The following CADM1 variants were observed in gnomAD, a reference collection of about 807,000 sequenced individuals.
CADM1 encodes cell adhesion molecule 1, also known as TSLC-1.
Under a neutral mutation model 53.1 loss-of-function variants are expected in CADM1, and 15 were observed. The observed-to-expected ratio is 0.28, with a 90% confidence interval of 0.19 to 0.44. CADM1 has a LOEUF of 0.44. CADM1 is among the 20% of genes least tolerant of loss of function. The pLI is 1.00. For synonymous variants in CADM1, 281 were observed against 243.0 expected (o/e 1.16, Z -1.45); for missense variants, 434 against 611.3 (o/e 0.71, Z 3.06).
chr11:115,423,278 T>C (rs1947806039), intron 1 of CADM1, among the ~76,000 whole-genome samples: 1 of 152,192 alleles, frequency 6.6e-6, no homozygotes, highest in Non-Finnish European at 1.5e-5. Flanking sequence ...AGTAATTTTG[T>C]TATTTGAGTT....
intron 1 of CADM1, among the ~76,000 whole-genome samples, chr11:115,322,392 A>G (rs1191281803): frequency 6.6e-6 from 1 of 152,244 alleles, no homozygotes; most frequent in African/African-American, 2.4e-5. Flanking sequence ...TGTCAAGTAT[A>G]TATAACACTT....
intron 10 of CADM1, among the ~76,000 whole-genome samples, chr11:115,185,321 A>G (rs1057023278): frequency 1.3e-5 from 2 of 152,214 alleles, no homozygotes; most frequent in Non-Finnish European, 2.9e-5. Flanking sequence ...AAGATGCCCA[A>G]TAAACACTTA....
chr11:115,298,377 A>G (rs1944133740), intron 1 of CADM1, among the ~76,000 whole-genome samples: 1 of 152,204 alleles, frequency 6.6e-6, no homozygotes. Flanking sequence ...AATGAGGAGA[A>G]GAAGAAAGGG....
In CADM1 at chr11:115,174,974, T is replaced by A. The variant is rs887523125; in HGVS notation, c.*1500A>T. 9 of 985,718 alleles carry A rather than the reference T, an allele frequency of 9.1e-6. No homozygotes were observed. Among genetic ancestry groups the A allele is most frequent in the Non-Finnish European group, 9.6e-6 (8 of 829,938 alleles). The allele number at this position is 985,718 out of a possible 1,614,324, so 61.1% of individuals were successfully genotyped here. A position where few individuals can be genotyped will look rare whatever the true frequency, so the allele number is the denominator to read the frequency against. On this transcript the variant is annotated 3_prime_UTR_variant, in exon 12 of 12. Transcript: ENST00000331581. ...TTCCCGAGGCTCCCCATCTAAGATA[T>A]GTTCAAGGTCACTGATTTTAGTAGC...
At chr11:115,407,870 AT>A (rs1446573821) in intron 1 of CADM1, among the ~76,000 whole-genome samples, 2 of 81,986 alleles carry the variant, frequency 2.4e-5, no homozygotes, top group East Asian at 4.1e-4. Context: ...AGACCCTGTC[AT>A]TTAAAAAAAA....
intron 1 of CADM1, among the ~76,000 whole-genome samples, chr11:115,466,422 C>T (rs1948899636): frequency 6.6e-6 from 1 of 152,190 alleles, no homozygotes; most frequent in African/African-American, 2.4e-5. Context: ...TTACTACAAA[C>T]TGCCCTGTAA....
chr11:115,256,953 G>T, intron 1 of CADM1: 1 of 455,092 alleles, frequency 2.2e-6, no homozygotes, highest in Non-Finnish European at 4.4e-6. Context: ...TAAAAAAGTC[G>T]TTAGGTTTAT....
At chr11:115,343,158 T>C (rs1270158285) in intron 1 of CADM1, among the ~76,000 whole-genome samples, 1 of 152,174 alleles carries the variant, frequency 6.6e-6, no homozygotes, top group Non-Finnish European at 1.5e-5. Context: ...GTAGCAGCCC[T>C]ATAAGGTACA....
chr11:115,195,761 T>G (rs10891805), intron 9 of CADM1, among the ~76,000 whole-genome samples: 14,823 of 152,268 alleles, frequency 0.097, 1,023 homozygotes, highest in East Asian at 0.3. Context: ...ACAACTGACC[T>G]GGAAGTTTTT....
At chr11:115,348,674 C>T (rs769442826) in intron 1 of CADM1, among the ~76,000 whole-genome samples, 1 of 152,196 alleles carries the variant, frequency 6.6e-6, no homozygotes, top group African/African-American at 2.4e-5. Flanking sequence ...ATGTAGATGG[C>T]TTTGCTGCCA....
chr11:115,428,264 T>G (rs1434742931), intron 1 of CADM1, among the ~76,000 whole-genome samples: 1 of 152,104 alleles, frequency 6.6e-6, no homozygotes, highest in Admixed American at 6.6e-5. Flanking sequence ...TATTTATGGG[T>G]TCCTTTAGAA....
intron 1 of CADM1, among the ~76,000 whole-genome samples, chr11:115,281,223 T>C (rs999669462): frequency 1.3e-5 from 2 of 152,242 alleles, no homozygotes; most frequent in African/African-American, 4.8e-5. Flanking sequence ...GTCAAGCTAT[T>C]CTGAACAGAC....
chr11:115,276,517 A>T (rs182945292), intron 1 of CADM1, among the ~76,000 whole-genome samples: 7 of 152,366 alleles, frequency 4.6e-5, no homozygotes, highest in Admixed American at 4.6e-4. Context: ...AATATACACA[A>T]GAATACACGC....
At chr11:115,361,812 G>A (rs1010363109) in intron 1 of CADM1, among the ~76,000 whole-genome samples, 2 of 151,684 alleles carry the variant, frequency 1.3e-5, no homozygotes, top group African/African-American at 2.4e-5. Flanking sequence ...TTGCAGCCTC[G>A]ACCTCCTGGG....
intron 1 of CADM1, among the ~76,000 whole-genome samples, chr11:115,502,096 T>C (rs1415270573): frequency 6.6e-6 from 1 of 152,100 alleles, no homozygotes; most frequent in East Asian, 1.9e-4. Context: ...ACATGCACGG[T>C]TGAGTTCCAG....
intron 1 of CADM1, among the ~76,000 whole-genome samples, chr11:115,358,338 G>A (rs1945932308): frequency 6.6e-6 from 1 of 152,134 alleles, no homozygotes; most frequent in African/African-American, 2.4e-5. Context: ...TAAAGAAAAA[G>A]GCCTCACGTG....
chr11:115,241,727 A>G (rs1025001082), intron 1 of CADM1, among the ~76,000 whole-genome samples: 5 of 152,222 alleles, frequency 3.3e-5, no homozygotes, highest in African/African-American at 4.8e-5. Flanking sequence ...TTATTAAGCC[A>G]TTATGCATTG....
chr11:115,476,884 C>T (rs1949144513), intron 1 of CADM1, among the ~76,000 whole-genome samples: 1 of 152,130 alleles, frequency 6.6e-6, no homozygotes, highest in Non-Finnish European at 1.5e-5. Flanking sequence ...AGACAGATGA[C>T]ACTCAAGAAA....
At chr11:115,196,391 T>A (rs1224203689) in intron 9 of CADM1, among the ~76,000 whole-genome samples, 1 of 152,024 alleles carries the variant, frequency 6.6e-6, no homozygotes, top group African/African-American at 2.4e-5. Flanking sequence ...AGAACATGAA[T>A]TTTATTGAAG....
Sources: gnomAD v4.1 joint callset for allele counts (sites outside exome capture counted in the v4.1 genomes callset) on GRCh38, gnomAD v4.1.1 for gene constraint, MANE v1.5 for transcripts, NCBI Gene and HGNC (gene_info 2026-07-23, HGNC 2026-07-21) for gene names.